The following AFG1L variants were observed in gnomAD, a reference collection of about 807,000 sequenced individuals.
AFG1L encodes AFG1-like ATPase.
A neutral mutation model predicts 62.2 loss-of-function variants in AFG1L; 53 were observed. The ratio of observed to expected loss-of-function variants is 0.85; its 90% CI spans 0.68 to 1.07. The LOEUF (loss-of-function observed/expected upper bound fraction) is 1.07. Ranked by LOEUF, AFG1L falls within the 50% of genes least tolerant of loss-of-function variation. The pLI is 0.00. For missense variants in AFG1L, 555 were observed against 590.5 expected, an observed-to-expected ratio of 0.94 and a Z score of 0.62; for synonymous variants, 228 against 210.3, an observed-to-expected ratio of 1.08 and a Z score of -0.73.
In AFG1L at chr6:108,463,387, A is replaced by G. The variant is rs1014427509; in HGVS notation, c.891-13478A>G. ...TCCTGAAGAGAGGTTAGAGCTTTTT[A>G]CTCTCCAACTTCTTCTCCCTCCTTT... On this transcript the variant is annotated intron_variant, in intron 8 of 12. Coordinates refer to ENST00000368977, the MANE Select transcript of AFG1L (RefSeq NM_145315.5). Among the ~76,000 whole-genome samples the G allele has an allele frequency of 9.4e-4, 133 of 140,798 alleles. 1 individual carries two copies. Among genetic ancestry groups the G allele is most frequent in the African/African-American group, 3.5e-3 (132 of 37,646 alleles). 92.4% of individuals were successfully genotyped at this position (140,798 alleles called of 152,430 possible).
chr6:108,488,452 G>C (rs1378826905), intron 10 of AFG1L, among the ~76,000 whole-genome samples: 5 of 152,260 alleles, frequency 3.3e-5, no homozygotes, highest in East Asian at 3.9e-4. Flanking sequence ...GCAAAGGTTG[G>C]GGGGAGTATG....
At chr6:108,490,752 G>C (rs1281335158) in intron 10 of AFG1L, among the ~76,000 whole-genome samples, 2 of 152,136 alleles carry the variant, frequency 1.3e-5, no homozygotes, top group African/African-American at 4.8e-5. Context: ...GTCTTTCTCA[G>C]GCTACTTCTT....
rs1288230277 is a variant in AFG1L, at chr6:108,521,154, A to G, written c.1318-1143A>G. ...TCCACGAAACTGGCCCCTGGTGCCA[A>G]AAGGTTGGTAAAGTTTACATCATTG... On this transcript the variant is annotated intron_variant, in intron 12 of 12. Transcript: ENST00000368977. 2.0e-5 allele frequency: 3 copies of G among 152,158 alleles called. No homozygotes were observed. In the East Asian group the frequency reaches 5.8e-4, roughly 29 times the overall value. The allele number at this position is 152,158 out of a possible 1,614,324, so 9.4% of individuals were successfully genotyped here. A position where few individuals can be genotyped will look rare whatever the true frequency, so the allele number is the denominator to read the frequency against.
At chr6:108,324,100 C>T in intron 2 of AFG1L, 52 bp downstream of exon 2, 1 of 1,337,836 alleles carries the variant, frequency 7.5e-7, no homozygotes, top group African/African-American at 1.5e-5. Context: ...TAAGCATTTT[C>T]TAAAATGGAT....
intron 5 of AFG1L, chr6:108,359,249 G>GC (rs1159389394): frequency 6.6e-6 from 1 of 152,056 alleles, no homozygotes. Flanking sequence ...ACTGACATAC[G>GC]CCATTGGGTT....
intron 10 of AFG1L, among the ~76,000 whole-genome samples, chr6:108,506,295 A>G (rs910831337): frequency 6.6e-6 from 1 of 151,962 alleles, no homozygotes; most frequent in African/African-American, 2.4e-5. Context: ...GCAAACTCAG[A>G]CTCCCAGGCT....
intron 8 of AFG1L, among the ~76,000 whole-genome samples, chr6:108,467,508 A>C (rs998991130): frequency 6.6e-6 from 1 of 152,176 alleles, no homozygotes; most frequent in Admixed American, 6.5e-5. Flanking sequence ...TCAGCCTCCC[A>C]AAGTGCTGGG....
At chr6:108,427,965 A>G (rs1023239934) in intron 7 of AFG1L, among the ~76,000 whole-genome samples, 1 of 152,214 alleles carries the variant, frequency 6.6e-6, no homozygotes, top group Non-Finnish European at 1.5e-5. Flanking sequence ...TTTGTATTTC[A>G]GTAGCTTTTG....
At chr6:108,478,029 T>A (rs993182475) in intron 10 of AFG1L, among the ~76,000 whole-genome samples, 1 of 152,248 alleles carries the variant, frequency 6.6e-6, no homozygotes, top group African/African-American at 2.4e-5. Context: ...TAATTTATCA[T>A]TCTAGCTGGT....
intron 10 of AFG1L, among the ~76,000 whole-genome samples, chr6:108,477,702 C>A (rs577828857): frequency 6.6e-6 from 1 of 152,256 alleles, no homozygotes; most frequent in South Asian, 2.1e-4. Context: ...GTACTGATTG[C>A]CCATCTGATA....
At chr6:108,443,761 C>T (rs895152315) in intron 7 of AFG1L, among the ~76,000 whole-genome samples, 3 of 151,692 alleles carry the variant, frequency 2.0e-5, no homozygotes, top group African/African-American at 7.3e-5. Context: ...TGTAGTCCCA[C>T]CTACTTGGGA....
rs1300857101 is a variant in AFG1L, at chr6:108,407,550, C to T, written c.807+5496C>T. On this transcript the variant is annotated intron_variant, in intron 7 of 12. Transcript: ENST00000368977. ...TTTTTTTTAAATTAGCTAGGCATTG[C>T]GGTGTGTACCTGTCCTCCAAGCTAC... Among the ~76,000 whole-genome samples the T allele has an allele frequency of 3.3e-5, 5 of 151,970 alleles. 1 individual carries two copies. Among genetic ancestry groups the T allele is most frequent in the South Asian group, 4.2e-4 (2 of 4,808 alleles).
chr6:108,408,462 A>G (rs1339167659), intron 7 of AFG1L, among the ~76,000 whole-genome samples: 1 of 152,224 alleles, frequency 6.6e-6, no homozygotes, highest in Non-Finnish European at 1.5e-5. Context: ...TCTTTTGCAT[A>G]GCATTTTCCT....
At chr6:108,446,856 T>A (rs921161729) in intron 7 of AFG1L, among the ~76,000 whole-genome samples, 2 of 152,036 alleles carry the variant, frequency 1.3e-5, no homozygotes, top group Non-Finnish European at 2.9e-5. Context: ...GACCCATGAG[T>A]TATTCTTTCT....
In AFG1L at chr6:108,477,188, A is replaced by G; in HGVS notation, c.962-4A>G. On this transcript the variant is annotated splice_region_variant and splice_polypyrimidine_tract_variant and intron_variant, in intron 9 of 12. Coordinates refer to ENST00000368977, the MANE Select transcript of AFG1L (RefSeq NM_145315.5). ...AGATTGAGTCTTTGTTCATGTTCCC[A>G]TAGTAACTAGACCAAGGATTCTAAA... 19 of 1,572,838 alleles carry G rather than the reference A, an allele frequency of 1.2e-5. No individual in the cohort carries two copies. Among genetic ancestry groups the G allele is most frequent in the Non-Finnish European group, 1.6e-5 (19 of 1,153,306 alleles).
At chr6:108,488,858 CAA>C (rs1171920283) in intron 10 of AFG1L, among the ~76,000 whole-genome samples, 1 of 152,032 alleles carries the variant, frequency 6.6e-6, no homozygotes, top group Non-Finnish European at 1.5e-5. Context: ...TCTCCAGAAA[CAA>C]ACAAACAAAA....
chr6:108,380,926 G>A (rs150915584), intron 6 of AFG1L, among the ~76,000 whole-genome samples: 7 of 152,296 alleles, frequency 4.6e-5, no homozygotes, highest in African/African-American at 1.7e-4. Flanking sequence ...TATCATGGGG[G>A]CTGTTTTCTG....
chr6:108,397,564 T>A (rs532566871), intron 6 of AFG1L, among the ~76,000 whole-genome samples: 1 of 152,292 alleles, frequency 6.6e-6, no homozygotes, highest in South Asian at 2.1e-4. Flanking sequence ...GCCTTTTTTA[T>A]TCTTTCTATT....
At chr6:108,357,564 GT>G (rs144892707) in intron 5 of AFG1L, among the ~76,000 whole-genome samples, 68 of 152,226 alleles carry the variant, frequency 4.5e-4, no homozygotes, top group Non-Finnish European at 8.1e-4. Flanking sequence ...CAAAGATAAT[GT>G]AATTATTATA....
Sources: allele counts gnomAD v4.1 joint callset (sites outside exome capture counted in the v4.1 genomes callset), GRCh38; gene constraint gnomAD v4.1.1; transcripts MANE v1.5; gene names NCBI Gene and HGNC (gene_info 2026-07-23, HGNC 2026-07-21).